Variants in EBF2 observed in about 807,000 individuals in gnomAD.
EBF2 encodes EBF transcription factor 2.
Under a neutral mutation model 72.8 loss-of-function variants are expected in EBF2, and 21 were observed. The observed-to-expected ratio is 0.29, with a 90% CI of 0.20 to 0.42. The LOEUF (loss-of-function observed/expected upper bound fraction) is 0.42. Among genes scored for constraint, EBF2 ranks in the 10% least tolerant of loss-of-function variants. The pLI is 1.00. For synonymous variants in EBF2, 299 were observed against 274.2 expected, an observed-to-expected ratio of 1.09 and a Z score of -0.89; for missense variants, 637 against 731.2, an observed-to-expected ratio of 0.87 and a Z score of 1.49.
intron 11 of EBF2, 94 bp from the exon 12 acceptor site, chr8:25,861,468 C>A (rs573935691): frequency 2.1e-6 from 3 of 1,403,866 alleles, no homozygotes; most frequent in African/African-American, 1.4e-5. Flanking sequence ...ATCCACACAT[C>A]CCTCCCAAAA....
At chr8:25,952,248 A>G (rs1037361051) in intron 6 of EBF2, among the ~76,000 whole-genome samples, 5 of 152,316 alleles carry the variant, frequency 3.3e-5, no homozygotes, top group African/African-American at 9.6e-5. Context: ...GTGATCCATG[A>G]TTGGCCACTG....
intron 6 of EBF2, among the ~76,000 whole-genome samples, chr8:25,961,624 G>A (rs1287709425): frequency 6.6e-6 from 1 of 152,180 alleles, no homozygotes; most frequent in Non-Finnish European, 1.5e-5. Flanking sequence ...GCCTCCCAAA[G>A]TGCTGGGATT....
chr8:25,981,928 T>G (rs977302113), intron 6 of EBF2, among the ~76,000 whole-genome samples: 2 of 152,222 alleles, frequency 1.3e-5, no homozygotes, highest in East Asian at 1.9e-4. Flanking sequence ...AAATGCAAAT[T>G]AAGGGTTTCA....
At chr8:26,039,255 T>C (rs1399830240) in intron 5 of EBF2, among the ~76,000 whole-genome samples, 1 of 149,328 alleles carries the variant, frequency 6.7e-6, no homozygotes, top group Non-Finnish European at 1.5e-5. Context: ...AAAAAAAGGG[T>C]GGGGGGGGAA....
At position 26,044,779 on chromosome 8, in the gene EBF2, C is replaced by T; in HGVS notation, c.81G>A (p.Arg27=). The T allele has an allele frequency of 1.2e-6, 2 of 1,614,162 alleles. No homozygotes were observed. The highest frequency in any genetic ancestry group is 1.7e-6 in the Non-Finnish European group (2 of 1,180,034). ...CCACTCCGACATTCCGGACCCAGGA[C>T]CTGACCGAATCCATCTCCGCGCCCA... is the stretch of plus-strand genomic sequence containing the variant. ...KSLGAEMDSV[R]SWVRNVGVVD... is the part of the protein sequence containing the mutation. The change falls in exon 1 of 16, where the codon AGG becomes AGA. Residue 27 remains arginine, a synonymous_variant. Coordinates refer to ENST00000520164, the MANE Select transcript of EBF2 (RefSeq NM_022659.4). The surrounding 1 kb of genome is among the most constrained non-coding windows in gnomAD (Gnocchi z 4.1).
At chr8:25,987,166 C>G (rs1020858868) in intron 6 of EBF2, among the ~76,000 whole-genome samples, 24 of 152,124 alleles carry the variant, frequency 1.6e-4, no homozygotes, top group Admixed American at 1.1e-3. Flanking sequence ...TCTGACTTAG[C>G]AAAGAGTCAT....
intron 6 of EBF2, among the ~76,000 whole-genome samples, chr8:25,971,497 CCG>C (rs1481637534): frequency 1.3e-5 from 2 of 152,162 alleles, no homozygotes; most frequent in Non-Finnish European, 2.9e-5. Context: ...GAGCCAAGCA[CCG>C]CGCTCTGGGT....
chr8:25,947,073 C>T (rs1803782526), intron 6 of EBF2, among the ~76,000 whole-genome samples: 1 of 152,198 alleles, frequency 6.6e-6, no homozygotes, highest in African/African-American at 2.4e-5. Context: ...TGCCTCCAGG[C>T]TGTCTCCCCG....
intron 13 of EBF2, 124 bp from the exon 14 acceptor site, chr8:25,858,628 G>T: frequency 1.7e-6 from 1 of 598,974 alleles, no homozygotes; most frequent in Non-Finnish European, 2.8e-6. Context: ...GGCAGTTGTA[G>T]GAAGTGTGCA....
At chr8:25,879,711 C>A (rs541094508) in intron 10 of EBF2, among the ~76,000 whole-genome samples, 5 of 152,282 alleles carry the variant, frequency 3.3e-5, no homozygotes, top group African/African-American at 1.2e-4. Context: ...AACTTTAATC[C>A]TGCATGCTGG....
intron 6 of EBF2, among the ~76,000 whole-genome samples, chr8:26,013,008 A>G (rs570640153): frequency 6.6e-6 from 1 of 152,342 alleles, no homozygotes; most frequent in South Asian, 2.1e-4. Context: ...GGAAATATAG[A>G]CAATCAACAA....
At chr8:25,948,856 C>T (rs1030818111) in intron 6 of EBF2, among the ~76,000 whole-genome samples, 2 of 152,156 alleles carry the variant, frequency 1.3e-5, no homozygotes, top group African/African-American at 4.8e-5. Context: ...CAAAATGAGG[C>T]CAGCAAGGGT....
At chr8:25,941,545 C>CT (rs1231698032) in intron 6 of EBF2, among the ~76,000 whole-genome samples, 1 of 152,114 alleles carries the variant, frequency 6.6e-6, no homozygotes, top group Non-Finnish European at 1.5e-5. Context: ...CCGTCTGACT[C>CT]TTTTTGGGGA....
At chr8:25,866,618 AT>A (rs1563381448) in intron 10 of EBF2, among the ~76,000 whole-genome samples, 3 of 122,170 alleles carry the variant, frequency 2.5e-5, no homozygotes, top group African/African-American at 7.5e-5. Flanking sequence ...TTTATATTAT[AT>A]TATATATATA....
chr8:25,969,778 C>T (rs1461674892), intron 6 of EBF2, among the ~76,000 whole-genome samples: 1 of 152,184 alleles, frequency 6.6e-6, no homozygotes, highest in Non-Finnish European at 1.5e-5. Flanking sequence ...GATCACAGCT[C>T]ACTGCAGCTT....
intron 5 of EBF2, among the ~76,000 whole-genome samples, chr8:26,035,358 C>T (rs1471692627): frequency 6.6e-6 from 1 of 152,048 alleles, no homozygotes; most frequent in African/African-American, 2.4e-5. Context: ...CTGTGTTGCC[C>T]AGGCTGATCT....
intron 7 of EBF2, among the ~76,000 whole-genome samples, chr8:25,904,090 C>T (rs1470579438): frequency 3.3e-5 from 5 of 152,032 alleles, no homozygotes; most frequent in African/African-American, 4.8e-5. Flanking sequence ...TAAATGAATT[C>T]CATTTCTTTA....
At chr8:25,852,286 T>TG in intron 14 of EBF2, among the ~76,000 whole-genome samples, 1 of 152,124 alleles carries the variant, frequency 6.6e-6, no homozygotes, top group Non-Finnish European at 1.5e-5. Context: ...CTTCTAGCCT[T>TG]GGGTTTGGCA....
At chr8:25,929,526 A>G (rs1179306781) in intron 6 of EBF2, among the ~76,000 whole-genome samples, 2 of 152,024 alleles carry the variant, frequency 1.3e-5, no homozygotes, top group African/African-American at 4.8e-5. Flanking sequence ...TTTTTTCACT[A>G]TGTGCCTTCA....
Sources: allele counts gnomAD v4.1 joint callset (sites outside exome capture counted in the v4.1 genomes callset), GRCh38; gene constraint gnomAD v4.1.1; non-coding constraint Gnocchi (gnomAD v3.1); transcripts MANE v1.5; gene names NCBI Gene and HGNC (gene_info 2026-07-23, HGNC 2026-07-21).